DZANK1: variants seen among roughly 807,000 people sequenced by gnomAD.
DZANK1 encodes the protein double zinc ribbon and ankyrin repeat-containing protein 1.
Under a neutral mutation model 94.5 loss-of-function variants are expected in DZANK1, and 91 were observed. That is an observed-to-expected ratio of 0.96 (90% CI 0.81 to 1.15). The LOEUF is 1.15. Among genes scored for constraint, DZANK1 ranks in the 50% most tolerant of loss-of-function variants. The pLI is 0.00. For synonymous variants in DZANK1, 312 were observed against 325.3 expected, an observed-to-expected ratio of 0.96 and a Z score of 0.44; for missense variants, 903 against 916.4, an observed-to-expected ratio of 0.99 and a Z score of 0.19.
intron 20 of DZANK1, 36 bp downstream of exon 20, chr20:18,384,980 C>A (rs767442351): frequency 2.0e-6 from 3 of 1,532,108 alleles, no homozygotes; most frequent in South Asian, 2.4e-5. Context: ...ATCCCTGTGG[C>A]CCTCAAAAGT....
chr20:18,397,566 C>A (rs2056414548), intron 14 of DZANK1, among the ~76,000 whole-genome samples: 1 of 152,214 alleles, frequency 6.6e-6, no homozygotes, highest in African/African-American at 2.4e-5. Context: ...TGACTATCAA[C>A]TGCGGTGTGA....
At chr20:18,403,800 T>TC (rs2056811470) in intron 13 of DZANK1, among the ~76,000 whole-genome samples, 1 of 145,606 alleles carries the variant, frequency 6.9e-6, no homozygotes, top group African/African-American at 2.5e-5. Context: ...TTCTTTCTTT[T>TC]TTTTTTTTTT....
At position 18,389,826 on chromosome 20, in the gene DZANK1, TC is replaced by T; in HGVS notation, c.1892del (p.Gly631GlufsTer15). 1.2e-6 allele frequency: 2 copies of T among 1,613,856 alleles called. No homozygotes were observed. Among genetic ancestry groups the T allele is most frequent in the East Asian group, 2.2e-5 (1 of 44,884 alleles). ...CTTCATCACAGCAGTTGGGGTCTGC[TC>T]CCTGCAGCAAACGGAAAAGGACAAA... is the stretch of plus-strand genomic sequence containing the variant. On this transcript the variant is annotated frameshift_variant and splice_region_variant, in exon 19 of 21. Transcript: ENST00000262547. LOFTEE classifies it high-confidence loss of function.
chr20:18,398,968 CTAA>C (rs2056516684), intron 13 of DZANK1, among the ~76,000 whole-genome samples: 1 of 151,640 alleles, frequency 6.6e-6, no homozygotes, highest in Non-Finnish European at 1.5e-5. Flanking sequence ...CCTGCCTCTA[CTAA>C]TAATATAAAA....
intron 13 of DZANK1, among the ~76,000 whole-genome samples, chr20:18,411,687 T>C (rs1381291678): frequency 1.3e-5 from 2 of 152,198 alleles, no homozygotes; most frequent in African/African-American, 4.8e-5. Context: ...CTTATAAATA[T>C]AGACACAAAA....
chr20:18,444,043 C>G (rs1016889185), intron 7 of DZANK1, among the ~76,000 whole-genome samples: 2 of 152,180 alleles, frequency 1.3e-5, no homozygotes, highest in African/African-American at 4.8e-5. Context: ...AAAGTGAGAG[C>G]ATTCTTGGAA....
At chr20:18,465,181 C>A in intron 2 of DZANK1, 69 bp downstream of exon 2, 1 of 1,066,740 alleles carries the variant, frequency 9.4e-7, no homozygotes, top group Non-Finnish European at 1.3e-6. Flanking sequence ...AGAGATAAAC[C>A]AGCAACCAGA....
chr20:18,415,374 G>T, exon 11 of DZANK1: 1 of 1,594,750 alleles, frequency 6.3e-7, no homozygotes, highest in Non-Finnish European at 8.5e-7. Flanking sequence ...AGATTCCAGC[G>T]ACCACATCTG....
chr20:18,448,189 A>G (rs1220136653), intron 7 of DZANK1, among the ~76,000 whole-genome samples: 1 of 152,228 alleles, frequency 6.6e-6, no homozygotes, highest in Non-Finnish European at 1.5e-5. Context: ...CATACAATGG[A>G]CTGTAGTTCA....
chr20:18,447,645 A>G (rs894005615), intron 7 of DZANK1, among the ~76,000 whole-genome samples: 5 of 152,072 alleles, frequency 3.3e-5, no homozygotes, highest in African/African-American at 1.2e-4. Flanking sequence ...CATTTTTTTA[A>G]AGGCCAAAAG....
chr20:18,438,844 A>G (rs1244852599), intron 8 of DZANK1, among the ~76,000 whole-genome samples: 1 of 152,172 alleles, frequency 6.6e-6, no homozygotes, highest in Admixed American at 6.5e-5. Flanking sequence ...CATATGGTGG[A>G]AGGCAAACAA....
In DZANK1 at chr20:18,398,692, C is replaced by T. The variant is rs1015571686; in HGVS notation, c.1433-66G>A. On this transcript the variant is annotated intron_variant, in intron 13 of 20. Coordinates refer to ENST00000262547, the Ensembl canonical transcript of DZANK1. ...TGAGACTAAGAAAGAAAAATGATAG[C>T]ATGGAACATATGTTCTTAGAGAGGT... 1.2e-5 allele frequency: 18 copies of T among 1,450,522 alleles called. No individual in the cohort carries two copies. The Admixed American group carries it at 2.9e-4, about 23-fold the overall frequency. 89.9% of individuals were successfully genotyped at this position (1,450,522 alleles called of 1,614,324 possible).
At chr20:18,449,748 T>C (rs2059025161) in intron 6 of DZANK1, among the ~76,000 whole-genome samples, 1 of 97,202 alleles carries the variant, frequency 1.0e-5, no homozygotes. Context: ...AGAGTGAGAC[T>C]CTGTCTCAAA....
chr20:18,401,755 C>A (rs571859161), intron 13 of DZANK1, among the ~76,000 whole-genome samples: 6 of 152,338 alleles, frequency 3.9e-5, no homozygotes, highest in Non-Finnish European at 7.3e-5. Context: ...GTAATCTATA[C>A]TGAACTTCTT....
intron 3 of DZANK1, among the ~76,000 whole-genome samples, chr20:18,458,053 G>C (rs769676348): frequency 6.6e-6 from 1 of 152,058 alleles, no homozygotes; most frequent in Non-Finnish European, 1.5e-5. Context: ...TATTTGACCT[G>C]GCCAGACTCT....
chr20:18,438,716 A>C (rs1460948675), intron 8 of DZANK1, among the ~76,000 whole-genome samples: 2 of 152,214 alleles, frequency 1.3e-5, no homozygotes, highest in African/African-American at 2.4e-5. Flanking sequence ...GCTTGTAAAC[A>C]ACACAAATTT....
At chr20:18,458,635 C>A (rs191353448) in intron 3 of DZANK1, among the ~76,000 whole-genome samples, 2 of 152,286 alleles carry the variant, frequency 1.3e-5, no homozygotes, top group African/African-American at 4.8e-5. Context: ...ACCTTTGGCC[C>A]CAGGCCTGTC....
At position 18,415,322 on chromosome 20, in the gene DZANK1, C is replaced by T. The variant is rs1244106222; in HGVS notation, c.1077+5G>A. The T allele has an allele frequency of 6.5e-7, 1 of 1,531,500 alleles. No individual in the cohort carries two copies. The highest frequency in any genetic ancestry group is 8.8e-7 in the Non-Finnish European group (1 of 1,135,170). 94.9% of individuals were successfully genotyped at this position (1,531,500 alleles called of 1,614,324 possible). On this transcript the variant is annotated splice_donor_5th_base_variant and intron_variant, in intron 11 of 20. Transcript: ENST00000262547. ...TATACAGAATCTCAGTTTTAAAATA[C>T]CCACCATGGCTCCACACCAGCCGCA...
chr20:18,404,618 A>G (rs2056862047), intron 13 of DZANK1, among the ~76,000 whole-genome samples: 1 of 152,214 alleles, frequency 6.6e-6, no homozygotes, highest in South Asian at 2.1e-4. Context: ...AAGAAACAGG[A>G]AACTCTGACC....
Sources: allele counts gnomAD v4.1 joint callset (sites outside exome capture counted in the v4.1 genomes callset), GRCh38; gene constraint gnomAD v4.1.1; transcripts MANE v1.5; gene names NCBI Gene and HGNC (gene_info 2026-07-23, HGNC 2026-07-21).